MGST1: variants seen among roughly 807,000 people sequenced by gnomAD.
MGST1 encodes the protein glutathione S-transferase 12.
In MGST1, 5 loss-of-function variants were observed where a neutral mutation model predicts 8.9. The ratio of observed to expected loss-of-function variants is 0.56; its 90% CI spans 0.29 to 1.19. The LOEUF (loss-of-function observed/expected upper bound fraction) is 1.19, where lower values mean the gene tolerates loss of function less well. Ranked by LOEUF, MGST1 falls within the 50% of genes most tolerant of loss-of-function variation. The probability of loss-of-function intolerance (pLI) is 0.08; values close to 1 mark genes in which losing one functional copy is unlikely to be tolerated. For missense variants in MGST1, 182 were observed against 187.4 expected (o/e 0.97, Z 0.17); for synonymous variants, 54 against 67.8 (o/e 0.80, Z 1.00).
intron 1 of MGST1, among the ~76,000 whole-genome samples, chr12:16,435,603 A>G (rs1940978551): frequency 6.6e-6 from 1 of 151,958 alleles, no homozygotes; most frequent in South Asian, 2.1e-4. Context: ...AACATTCAGC[A>G]AATATTTATT....
chr12:16,405,420 A>G (rs1241827222), intron 1 of MGST1, among the ~76,000 whole-genome samples: 2 of 152,180 alleles, frequency 1.3e-5, no homozygotes, highest in African/African-American at 4.8e-5. Context: ...TCAATCAGTA[A>G]TGAACAGCCC....
intron 2 of MGST1, among the ~76,000 whole-genome samples, chr12:16,357,137 T>C (rs1939751315): frequency 6.6e-6 from 1 of 152,256 alleles, no homozygotes; most frequent in Non-Finnish European, 1.5e-5. Flanking sequence ...TAACTATAGA[T>C]GCCTTCTTCT....
At chr12:16,575,988 T>A (rs1020093376) in intron 4 of MGST1, among the ~76,000 whole-genome samples, 1 of 151,862 alleles carries the variant, frequency 6.6e-6, no homozygotes, top group African/African-American at 2.4e-5. Context: ...AACTTTGAAT[T>A]TGCCTCCTCT....
At chr12:16,479,142 T>G (rs1291715367) in intron 4 of MGST1, among the ~76,000 whole-genome samples, 1 of 151,974 alleles carries the variant, frequency 6.6e-6, no homozygotes, top group Non-Finnish European at 1.5e-5. Flanking sequence ...ACTATACATA[T>G]TAAAGTATGT....
chr12:16,581,488 A>G (rs543544188), intron 4 of MGST1, among the ~76,000 whole-genome samples: 1 of 152,344 alleles, frequency 6.6e-6, no homozygotes, highest in East Asian at 1.9e-4. Flanking sequence ...CATAAAGGCA[A>G]ATATTTCTGT....
chr12:16,490,991 C>A (rs1941434437), intron 4 of MGST1, among the ~76,000 whole-genome samples: 1 of 152,098 alleles, frequency 6.6e-6, no homozygotes, highest in African/African-American at 2.4e-5. Context: ...AGAAACCAAG[C>A]CATGCAGAGA....
rs1269072246 is a variant in MGST1, at chr12:16,517,493, C to T, written n.483-72035C>T. 2.0e-5 allele frequency among the ~76,000 whole-genome samples: 3 copies of T among 152,156 alleles called. No homozygotes were observed. Among genetic ancestry groups the T allele is most frequent in the Non-Finnish European group, 2.9e-5 (2 of 68,028 alleles). On this transcript the variant is annotated intron_variant and non_coding_transcript_variant, in intron 4 of 4. Coordinates refer to the MGST1 transcript ENST00000538857. The surrounding 1 kb of genome is among the most constrained non-coding windows in gnomAD (Gnocchi z 4.2). ...GATCCTTGATCTTGGACTTGCCAGC[C>T]TCCAAAATCATGAGCCAAATAAAAT...
chr12:16,469,894 C>T (rs527512750), intron 4 of MGST1, among the ~76,000 whole-genome samples: 9 of 152,288 alleles, frequency 5.9e-5, no homozygotes, highest in East Asian at 1.9e-4. Flanking sequence ...CCTTAACACA[C>T]GCACAAAAAT....
In MGST1 at chr12:16,517,063, A is replaced by G. The variant is rs954719678; in HGVS notation, n.483-72465A>G. On this transcript the variant is annotated intron_variant and non_coding_transcript_variant, in intron 4 of 4. Coordinates refer to the MGST1 transcript ENST00000538857. This position sits in a 1 kb window ranked among gnomAD's most constrained non-coding sequence, Gnocchi z 4.2. ...GAGCTGAACCCCCAAGAATATAGAC[A>G]TGAATGAAATTGGAGTTACATTAAA... is the stretch of plus-strand genomic sequence containing the variant. Among the ~76,000 whole-genome samples the G allele has an allele frequency of 5.3e-5, 8 of 152,318 alleles. No individual in the cohort carries two copies. The highest frequency in any genetic ancestry group is 1.7e-4 in the African/African-American group (7 of 41,572).
At chr12:16,446,854 A>G (rs954801222) in intron 4 of MGST1, among the ~76,000 whole-genome samples, 3 of 151,584 alleles carry the variant, frequency 2.0e-5, no homozygotes, top group African/African-American at 7.3e-5. Context: ...CAGAGCCACC[A>G]CTGAACTTCT....
chr12:16,459,966 C>T (rs1197834231), intron 4 of MGST1, among the ~76,000 whole-genome samples: 2 of 152,132 alleles, frequency 1.3e-5, no homozygotes, highest in African/African-American at 4.8e-5. Context: ...TTAAAACCTT[C>T]TGTCTTGTAG....
At chr12:16,440,855 A>G (rs1192398008), downstream of MGST1, among the ~76,000 whole-genome samples, 1 of 151,820 alleles carries the variant, frequency 6.6e-6, no homozygotes, top group Non-Finnish European at 1.5e-5. Context: ...TGAGAGTTCT[A>G]GTTTCTCCAG....
At chr12:16,446,259 A>T (rs1173938680) in intron 4 of MGST1, among the ~76,000 whole-genome samples, 1 of 151,926 alleles carries the variant, frequency 6.6e-6, no homozygotes, top group East Asian at 1.9e-4. Context: ...AAATAGCTAG[A>T]GGTGCAGTTG....
chr12:16,446,184 C>T (rs1013871626), intron 4 of MGST1, among the ~76,000 whole-genome samples: 1 of 151,932 alleles, frequency 6.6e-6, no homozygotes, highest in African/African-American at 2.4e-5. Context: ...AATTAGTGCC[C>T]ATGTCCAAAT....
chr12:16,474,986 C>CTAA (rs1333698871), intron 4 of MGST1, among the ~76,000 whole-genome samples: 17 of 152,134 alleles, frequency 1.1e-4, no homozygotes, highest in African/African-American at 3.9e-4. Context: ...GTGCAGTAGG[C>CTAA]TAATGCACCA....
At chr12:16,457,806 TAGAC>T (rs897550330) in intron 4 of MGST1, among the ~76,000 whole-genome samples, 1 of 152,050 alleles carries the variant, frequency 6.6e-6, no homozygotes, top group Non-Finnish European at 1.5e-5. Flanking sequence ...TTCATTATAA[TAGAC>T]AGCTTTTCAT....
intron 4 of MGST1, among the ~76,000 whole-genome samples, chr12:16,565,540 A>G (rs1345563895): frequency 1.3e-5 from 2 of 152,194 alleles, no homozygotes; most frequent in Admixed American, 1.3e-4. Context: ...ATGTATTATG[A>G]AAGTTAAAGA....
chr12:16,525,456 C>A (rs1246393482), intron 4 of MGST1, among the ~76,000 whole-genome samples: 5 of 151,548 alleles, frequency 3.3e-5, no homozygotes. Flanking sequence ...ATCCATGTCC[C>A]TACAAAGCAC....
downstream of MGST1, among the ~76,000 whole-genome samples, chr12:16,441,223 A>T (rs1468459801): frequency 6.6e-6 from 1 of 151,832 alleles, no homozygotes; most frequent in African/African-American, 2.4e-5. Flanking sequence ...TAAGTGGAAG[A>T]TAAAGAGATT....
Sources: gnomAD v4.1 joint callset for allele counts (sites outside exome capture counted in the v4.1 genomes callset) on GRCh38, gnomAD v4.1.1 for gene constraint, Gnocchi (gnomAD v3.1) non-coding constraint, MANE v1.5 for transcripts, NCBI Gene and HGNC (gene_info 2026-07-23, HGNC 2026-07-21) for gene names.